The following VCPKMT variants were observed in gnomAD, a reference collection of about 807,000 sequenced individuals.
VCPKMT encodes valosin containing protein lysine methyltransferase.
VCPKMT carries 32 observed loss-of-function variants against 28.6 expected under a neutral mutation model. That is an observed-to-expected ratio of 1.12 (90% CI 0.84 to 1.50). The LOEUF (loss-of-function observed/expected upper bound fraction) is 1.50, where lower values mean the gene tolerates loss of function less well. Among genes scored for constraint, VCPKMT ranks in the 40% most tolerant of loss-of-function variants. The pLI, the probability that VCPKMT is intolerant of heterozygous loss-of-function variation, is 0.00. For synonymous variants in VCPKMT, 138 were observed against 111.4 expected (o/e 1.24, Z -1.50); for missense variants, 366 against 285.0 (o/e 1.28, Z -2.05).
At chr14:50,112,197 C>A (rs1882710985) in intron 5 of VCPKMT, 2 of 391,276 alleles carry the variant, frequency 5.1e-6, no homozygotes, top group South Asian at 2.2e-4. Context: ...TGAGGTAATA[C>A]CCAATTATAG....
chr14:50,110,012 G>A (rs1365904928), intron 5 of VCPKMT, among the ~76,000 whole-genome samples: 2 of 152,316 alleles, frequency 1.3e-5, no homozygotes, highest in Middle Eastern at 3.4e-3. Flanking sequence ...TTGGGAGGCT[G>A]AGGTGGCAGA....
At chr14:50,112,785 C>A in intron 4 of VCPKMT, 66 bp from the exon 5 acceptor site, 1 of 1,161,530 alleles carries the variant, frequency 8.6e-7, no homozygotes, top group East Asian at 2.7e-5. Context: ...TGACAGAAGT[C>A]AGAATGCTGG....
At chr14:50,104,722 AC>A (rs1333778928), downstream of VCPKMT, among the ~76,000 whole-genome samples, 6 of 152,178 alleles carry the variant, frequency 3.9e-5, no homozygotes, top group East Asian at 9.6e-4. Context: ...GCTTTGAAAA[AC>A]TAATTAAAAT....
intron 3 of VCPKMT, 122 bp downstream of exon 3, chr14:50,115,717 G>C: frequency 9.0e-7 from 1 of 1,114,990 alleles, no homozygotes; most frequent in Non-Finnish European, 1.3e-6. Context: ...TCTCTTTACT[G>C]CATCAACTAT....
Position 50,112,623 on chromosome 14 carries a change from T to C in VCPKMT, c.667A>G (p.Lys223Glu), listed in dbSNP as rs377516365. 303 of 1,537,554 alleles carry C rather than the reference T, an allele frequency of 2.0e-4. No homozygotes were observed. The highest frequency in any genetic ancestry group is 1.8e-4 in the Non-Finnish European group (206 of 1,130,930). Residue 223 changes from lysine (K) to glutamate (E), a missense_variant, in exon 5 of 6, where the codon AAA becomes GAA. Coordinates refer to ENST00000395860, the MANE Select transcript of VCPKMT (RefSeq NM_024558.3). ...EDIHIIYIRKKKSKFPS is the reference protein window; with the variant it reads ...EDIHIIYIRKEKSKFPS ...CTGAGAATGTTATTTACCGATTTTTTCTTTCTGATGTATATAATATGAATA... is the reference window on the plus strand; with the variant it reads ...CTGAGAATGTTATTTACCGATTTTTCCTTTCTGATGTATATAATATGAATA...
In VCPKMT at chr14:50,116,385, G is replaced by A. The variant is rs750825263; in HGVS notation, c.168C>T (p.Pro56=). Residue 56 remains proline (P), a synonymous_variant, in exon 1 of 6, where the codon CCC becomes CCT. Coordinates refer to ENST00000395860, the MANE Select transcript of VCPKMT (RefSeq NM_024558.3). Reference sequence around the variant, plus strand: ...CGTGGGCCCCGTCGCCAGAAAACTCGGGCGTTTCCAGGTATTTAGAAAGGA... The same window carrying A: ...CGTGGGCCCCGTCGCCAGAAAACTCAGGCGTTTCCAGGTATTTAGAAAGGA... ...AIVLSKYLET[P]EFSGDGAHAL... 13 of 1,613,628 alleles carry A rather than the reference G, an allele frequency of 8.1e-6. No individual in the cohort carries two copies. Among genetic ancestry groups the A allele is most frequent in the Non-Finnish European group, 1.1e-5 (13 of 1,179,896 alleles).
downstream of VCPKMT, among the ~76,000 whole-genome samples, chr14:50,107,726 G>T (rs983498396): frequency 2.6e-5 from 4 of 152,200 alleles, no homozygotes; most frequent in African/African-American, 2.4e-5. Flanking sequence ...GAACAGGAAG[G>T]GGGAGGAAGT....
At chr14:50,114,975 C>CA (rs1883002227) in intron 3 of VCPKMT, among the ~76,000 whole-genome samples, 1 of 152,100 alleles carries the variant, frequency 6.6e-6, no homozygotes, top group East Asian at 1.9e-4. Flanking sequence ...TTGGAGTTCT[C>CA]ATGGGAAACA....
At chr14:50,105,830 C>T (rs1427197274), downstream of VCPKMT, among the ~76,000 whole-genome samples, 1 of 151,966 alleles carries the variant, frequency 6.6e-6, no homozygotes, top group Non-Finnish European at 1.5e-5. Flanking sequence ...CTGTTGAATC[C>T]CCCTTCCTTC....
chr14:50,103,400 T>C, the VCPKMT span, among the ~76,000 whole-genome samples: 8 of 152,236 alleles, frequency 5.3e-5, no homozygotes, highest in Admixed American at 2.0e-4. Context: ...CTGAAAATAT[T>C]GTTATGCAGA....
At chr14:50,108,212 A>G (rs117792549), downstream of VCPKMT, among the ~76,000 whole-genome samples, 2,859 of 147,486 alleles carry the variant, frequency 0.019, 74 homozygotes, top group Non-Finnish European at 0.026. Context: ...AAAAAAAAAG[A>G]GAAAGCAGGA....
Position 50,116,475 on chromosome 14 carries a change from T to G in VCPKMT, c.78A>C (p.Thr26=). 1 of 1,614,024 alleles carries G rather than the reference T, an allele frequency of 6.2e-7. No homozygotes were observed. Among genetic ancestry groups the G allele is most frequent in the South Asian group, 1.1e-5 (1 of 91,086 alleles). Residue 26 remains threonine, a synonymous_variant, in exon 1 of 6, where the codon ACA becomes ACC. Coordinates refer to ENST00000395860, the MANE Select transcript of VCPKMT (RefSeq NM_024558.3). ...AGCTATACTGCTGTAGTCGTAGCAC[T>G]GTACCATCCCGCTTCTCCAAAACTC... ...FVRVLEKRDG[T]VLRLQQYSSG... is the part of the protein sequence containing the mutation.
Position 50,109,729 on chromosome 14 carries a change from A to G in VCPKMT, c.676-16T>C, listed in dbSNP as rs1323810582. The G allele has an allele frequency of 2.5e-6, 4 of 1,595,468 alleles. No individual in the cohort carries two copies. In the East Asian group the frequency reaches 8.9e-5, roughly 36 times the overall value. ...ATGGAAATTTCTATAACAAAAAAAA[A>G]GGAAACTTAAAAGATTGATTTACCA... On this transcript the variant is annotated splice_polypyrimidine_tract_variant and intron_variant, in intron 5 of 5. Transcript: ENST00000395860.
intron 3 of VCPKMT, 123 bp downstream of exon 3, chr14:50,115,716 T>C (rs1883112048): frequency 3.6e-6 from 4 of 1,104,758 alleles, no homozygotes; most frequent in Non-Finnish European, 5.3e-6. Context: ...TTCTCTTTAC[T>C]GCATCAACTA....
intron 5 of VCPKMT, among the ~76,000 whole-genome samples, chr14:50,110,519 T>C (rs1955928): frequency 0.86 from 130,658 of 152,206 alleles, 56,207 homozygotes; most frequent in East Asian, 0.92. Flanking sequence ...GACTATCTCA[T>C]ACCCAGTGAG....
At position 50,116,397 on chromosome 14, in the gene VCPKMT, G is replaced by A. The variant is rs1281091753; in HGVS notation, c.156C>T (p.Tyr52=). Residue 52 remains tyrosine (Y), a synonymous_variant, in exon 1 of 6, where the codon TAC becomes TAT. Transcript: ENST00000395860. The part of the protein sequence containing the change: ...VWDAAIVLSK[Y]LETPEFSGDG... ...CGCCAGAAAACTCGGGCGTTTCCAG[G>A]TATTTAGAAAGGACAATGGCAGCGT... The A allele has an allele frequency of 3.7e-6, 6 of 1,613,784 alleles. No homozygotes were observed. Among genetic ancestry groups the A allele is most frequent in the Non-Finnish European group, 5.1e-6 (6 of 1,179,926 alleles).
Position 50,115,999 on chromosome 14 carries a change from T to A in VCPKMT, c.377+70A>T, listed in dbSNP as rs114973648. 2,082 of 1,593,680 alleles carry A rather than the reference T, an allele frequency of 1.3e-3. 29 individuals are homozygous for A. The African/African-American group carries it at 0.025, about 19-fold the overall frequency. On this transcript the variant is annotated intron_variant, in intron 2 of 5. Transcript: ENST00000395860. ...AGAACCGGAAAGTCCCCTTCCATCC[T>A]TTTAATGAAACGCAATTCAAAACAA...
chr14:50,113,953 C>T (rs1050708751), intron 4 of VCPKMT, among the ~76,000 whole-genome samples: 7 of 137,784 alleles, frequency 5.1e-5, no homozygotes, highest in African/African-American at 1.5e-4. Flanking sequence ...ATTTCTATCA[C>T]GTATTCTCCA....
intron 5 of VCPKMT, chr14:50,111,187 A>G (rs1356373084): frequency 1.1e-5 from 11 of 981,690 alleles, no homozygotes; most frequent in Non-Finnish European, 1.2e-5. Context: ...TTGGCCGAAA[A>G]AAAAAAAAAA....
Sources: gnomAD v4.1 joint callset for allele counts (sites outside exome capture counted in the v4.1 genomes callset) on GRCh38, gnomAD v4.1.1 for gene constraint, MANE v1.5 for transcripts, NCBI Gene and HGNC (gene_info 2026-07-23, HGNC 2026-07-21) for gene names.